Variants in ARGFX observed in about 807,000 individuals in gnomAD.
The protein encoded by ARGFX is arginine-fifty homeobox.
Under a neutral mutation model 8.0 loss-of-function variants are expected in ARGFX, and 10 were observed. The observed-to-expected ratio is 1.25, with a 90% CI of 0.77 to 2.12. The LOEUF (loss-of-function observed/expected upper bound fraction) is 2.12, where lower values mean the gene tolerates loss of function less well. ARGFX is among the 30% of genes most tolerant of loss of function. ARGFX has a pLI of 0.00. For missense variants in ARGFX, 282 were observed against 324.3 expected (o/e 0.87, Z 1.00); for synonymous variants, 116 against 117.8 (o/e 0.98, Z 0.10).
intron 2 of ARGFX, among the ~76,000 whole-genome samples, chr3:121,572,526 A>G (rs2048715364): frequency 1.3e-5 from 2 of 152,092 alleles, no homozygotes; most frequent in Admixed American, 6.6e-5. Context: ...GATTACAGGC[A>G]TGAGCCACCA....
intron 3 of ARGFX, among the ~76,000 whole-genome samples, chr3:121,582,639 T>C (rs932867028): frequency 6.6e-6 from 1 of 152,154 alleles, no homozygotes; most frequent in Non-Finnish European, 1.5e-5. Flanking sequence ...GATTTTAGTA[T>C]TGGTATTATG....
chr3:121,579,945 C>CTTTTTTTTTTTTTTTTTTTTTTT lies in ARGFX; in HGVS notation c.220+3049_220+3071dup, dbSNP rs1174620508. On this transcript the variant is annotated intron_variant, in intron 3 of 4. Coordinates refer to ENST00000334384, the MANE Select transcript of ARGFX (RefSeq NM_001012659.2). ...CTTTCTTTTTCTTTTCTTTTCTTTT[C>CTTTTTTTTTTTTTTTTTTTTTTT]TTTTTTTTTTTTTTTTTTTTTTTTT... Among the ~76,000 whole-genome samples, 33 of 91,572 alleles carry CTTTTTTTTTTTTTTTTTTTTTTT rather than the reference C, an allele frequency of 3.6e-4. 3 individuals carry two copies. Among genetic ancestry groups the CTTTTTTTTTTTTTTTTTTTTTTT allele is most frequent in the African/African-American group, 6.4e-4 (13 of 20,442 alleles). 60.1% of individuals were successfully genotyped at this position (91,572 alleles called of 152,430 possible).
Position 121,579,945 on chromosome 3 carries a change from C to CTTTTTTTTTT in ARGFX, c.220+3062_220+3071dup, listed in dbSNP as rs1174620508. ...CTTTCTTTTTCTTTTCTTTTCTTTTCTTTTTTTTTTTTTTTTTTTTTTTTT... is the reference window on the plus strand; with the variant it reads ...CTTTCTTTTTCTTTTCTTTTCTTTTCTTTTTTTTTTTTTTTTTTTTTTTTTTTTTTTTTTT... On this transcript the variant is annotated intron_variant, in intron 3 of 4. Transcript: ENST00000334384. 1.9e-3 allele frequency among the ~76,000 whole-genome samples: 175 copies of CTTTTTTTTTT among 91,544 alleles called. 3 individuals carry two copies. Among genetic ancestry groups the CTTTTTTTTTT allele is most frequent in the African/African-American group, 3.2e-3 (66 of 20,424 alleles). The allele number at this position is 91,544 out of a possible 152,430, so 60.1% of individuals were successfully genotyped here.
In ARGFX at chr3:121,586,583, G is replaced by T; in HGVS notation, c.931G>T (p.Asp311Tyr). The T allele has an allele frequency of 6.2e-7, 1 of 1,613,242 alleles. No homozygotes were observed. Among genetic ancestry groups the T allele is most frequent in the Non-Finnish European group, 8.5e-7 (1 of 1,179,646 alleles). The change falls in exon 5 of 5, where the codon GAC (aspartate) becomes TAC (tyrosine). Residue 311 changes from aspartate to tyrosine, a missense_variant. By Grantham distance (160) the Asp-to-Tyr change is radical (BLOSUM62 -3). Transcript: ENST00000334384. ...ATTCCAGAAAACCTCCAATATGGTA[G>T]ACTTGGGATTTCTCTGACCAGAGTA... ...LEFQKTSNMV[D>Y]LGFL
chr3:121,570,222 T>C (rs2048699391), intron 1 of ARGFX, among the ~76,000 whole-genome samples: 1 of 152,244 alleles, frequency 6.6e-6, no homozygotes, highest in South Asian at 2.1e-4. Context: ...GTTCAGAGAA[T>C]GTCTTCATTT....
chr3:121,581,556 T>G (rs987818391), intron 3 of ARGFX, among the ~76,000 whole-genome samples: 1 of 152,164 alleles, frequency 6.6e-6, no homozygotes, highest in East Asian at 1.9e-4. Context: ...CCAAGCATAC[T>G]AGTTTCCCAA....
chr3:121,587,258 C>T lies in ARGFX; in HGVS notation c.*658C>T, dbSNP rs1576446102. 6.6e-6 allele frequency among the ~76,000 whole-genome samples: 1 copy of T among 152,016 alleles called. No individual in the cohort carries two copies. Among genetic ancestry groups the T allele is most frequent in the African/African-American group, 2.4e-5 (1 of 41,406 alleles). On this transcript the variant is annotated 3_prime_UTR_variant, in exon 5 of 5. Transcript: ENST00000334384. ...GTAGAGACGGGGTTTCACCACGTTG[C>T]CCAGGCTGGTCTTGAACTCCTGACC...
At chr3:121,569,359 A>G (rs1373348059) in intron 1 of ARGFX, among the ~76,000 whole-genome samples, 1 of 151,148 alleles carries the variant, frequency 6.6e-6, no homozygotes, top group Admixed American at 6.6e-5. Context: ...TGCAATGTGA[A>G]AACTTTTTTT....
In ARGFX at chr3:121,590,544, G is replaced by A. The variant is rs1412436408; in HGVS notation, c.*3944G>A. 6.6e-6 allele frequency among the ~76,000 whole-genome samples: 1 copy of A among 151,696 alleles called. No individual in the cohort carries two copies. Among genetic ancestry groups the A allele is most frequent in the South Asian group, 2.1e-4 (1 of 4,806 alleles). ...GATGAAACATGAAGGCCCTGGCCAG[G>A]TGTGGCCCCTCCATCTTCCGTCTGA... On this transcript the variant is annotated 3_prime_UTR_variant, in exon 5 of 5. Coordinates refer to ENST00000334384, the MANE Select transcript of ARGFX (RefSeq NM_001012659.2).
intron 2 of ARGFX, 77 bp from the exon 3 acceptor site, chr3:121,576,707 T>TTTTCTTTCTCTCTTTCTTTCTTTC (rs1553834277): frequency 4.1e-6 from 1 of 246,626 alleles, no homozygotes; most frequent in African/African-American, 2.7e-5. Flanking sequence ...CTTTCTTTCT[T>TTTTCTTTCTCTCTTTCTTTCTTTC]TTTCTTTCTT....
At chr3:121,582,937 C>T (rs1443488516) in intron 3 of ARGFX, among the ~76,000 whole-genome samples, 1 of 151,868 alleles carries the variant, frequency 6.6e-6, no homozygotes, top group Non-Finnish European at 1.5e-5. Flanking sequence ...AATTCCTGGC[C>T]TCAAGCAATT....
chr3:121,575,875 T>G (rs1028044794), intron 2 of ARGFX, among the ~76,000 whole-genome samples: 11 of 151,718 alleles, frequency 7.3e-5, no homozygotes, highest in Non-Finnish European at 2.9e-5. Flanking sequence ...ATTGAGCCAT[T>G]GCACTCTAGC....
chr3:121,580,691 G>A (rs1183103863), intron 3 of ARGFX, among the ~76,000 whole-genome samples: 2 of 146,254 alleles, frequency 1.4e-5, no homozygotes, highest in Admixed American at 7.0e-5. Context: ...CGCAACCTCC[G>A]CCTCCTGGGT....
At chr3:121,578,120 CTTTTTTTTT>C (rs35072728) in intron 3 of ARGFX, among the ~76,000 whole-genome samples, 21,318 of 113,124 alleles carry the variant, frequency 0.19, 1,837 homozygotes, top group South Asian at 0.38. Context: ...CCCTACCCCA[CTTTTTTTTT>C]TTTTTTTTTT....
intron 3 of ARGFX, among the ~76,000 whole-genome samples, chr3:121,579,940 C>CTTTT (rs1204013765): frequency 1.4e-4 from 6 of 43,276 alleles, no homozygotes; most frequent in African/African-American, 5.3e-4. Flanking sequence ...CTTTTCTTTT[C>CTTTT]TTTTCTTTTT....
intron 3 of ARGFX, among the ~76,000 whole-genome samples, chr3:121,580,607 T>TATATA (rs752440443): frequency 3.1e-4 from 30 of 96,326 alleles, no homozygotes; most frequent in Admixed American, 9.9e-4. Flanking sequence ...TATATATATA[T>TATATA]TTTTTTTTTT....
chr3:121,571,174 G>T (rs1456593950), intron 2 of ARGFX, among the ~76,000 whole-genome samples: 2 of 152,016 alleles, frequency 1.3e-5, no homozygotes, highest in African/African-American at 2.4e-5. Context: ...ACAAACAAAA[G>T]CTCATTATTC....
intron 1 of ARGFX, among the ~76,000 whole-genome samples, chr3:121,568,284 G>A (rs1318030980): frequency 1.3e-5 from 2 of 152,174 alleles, no homozygotes; most frequent in Non-Finnish European, 2.9e-5. Flanking sequence ...ATCTGTGTTA[G>A]CCAGGCCTTT....
chr3:121,576,954 GACTGTTCTC>G (rs1576442018), intron 3 of ARGFX, 54 bp downstream of exon 3: 9 of 217,324 alleles, frequency 4.1e-5, no homozygotes, highest in Middle Eastern at 5.1e-4. Context: ...ATGTGGTCCA[GACTGTTCTC>G]AAACTCCTAA....
Sources: allele counts gnomAD v4.1 joint callset (sites outside exome capture counted in the v4.1 genomes callset), GRCh38; gene constraint gnomAD v4.1.1; transcripts MANE v1.5; gene names NCBI Gene and HGNC (gene_info 2026-07-23, HGNC 2026-07-21).